Variants in RNF4 observed in about 807,000 individuals in gnomAD.
RNF4 encodes the protein E3 ubiquitin-protein ligase RNF4.
A neutral mutation model predicts 24.3 loss-of-function variants in RNF4; 7 were observed. That is an observed-to-expected ratio of 0.29 (90% CI 0.16 to 0.54). RNF4 has a LOEUF of 0.54. Among genes scored for constraint, RNF4 ranks in the 20% least tolerant of loss-of-function variants. RNF4 has a pLI of 0.95. For synonymous variants in RNF4, 83 were observed against 84.3 expected, an observed-to-expected ratio of 0.98 and a Z score of 0.09; for missense variants, 209 against 248.5, an observed-to-expected ratio of 0.84 and a Z score of 1.07.
chr4:2,490,663 A>G (rs990615671), intron 2 of RNF4, 161 bp downstream of exon 2: 3 of 662,728 alleles, frequency 4.5e-6, no homozygotes, highest in Middle Eastern at 2.8e-4. Context: ...ACATCAGCTT[A>G]CTTACCGACA....
intron 1 of RNF4, among the ~76,000 whole-genome samples, chr4:2,489,553 G>C (rs530146074): frequency 5.3e-5 from 8 of 152,198 alleles, no homozygotes; most frequent in Admixed American, 1.3e-4. Context: ...AGCCCTCTGT[G>C]GGGGAGCCTG....
chr4:2,502,614 G>T (rs1341749894), intron 4 of RNF4, among the ~76,000 whole-genome samples: 2 of 151,314 alleles, frequency 1.3e-5, no homozygotes, highest in Non-Finnish European at 2.9e-5. Context: ...AGAGGTTGCA[G>T]TGAGCCGAGA....
At chr4:2,509,286 C>G (rs1018049052) in intron 4 of RNF4, among the ~76,000 whole-genome samples, 1 of 151,982 alleles carries the variant, frequency 6.6e-6, no homozygotes, top group Non-Finnish European at 1.5e-5. Flanking sequence ...GGCGTGACCT[C>G]GGCTCACTGC....
chr4:2,486,228 G>C (rs1735404453), intron 1 of RNF4, among the ~76,000 whole-genome samples: 1 of 152,208 alleles, frequency 6.6e-6, no homozygotes, highest in Non-Finnish European at 1.5e-5. Flanking sequence ...GCAGTGCCTT[G>C]TGCAGATGCA....
At chr4:2,500,000 C>A (rs1315091059) in intron 3 of RNF4, among the ~76,000 whole-genome samples, 1 of 151,954 alleles carries the variant, frequency 6.6e-6, no homozygotes, top group Non-Finnish European at 1.5e-5. Context: ...ACTAAAAATA[C>A]AAACAAAATT....
intron 2 of RNF4, among the ~76,000 whole-genome samples, chr4:2,495,207 C>G (rs1284094451): frequency 2.0e-5 from 3 of 152,180 alleles, no homozygotes; most frequent in African/African-American, 7.2e-5. Flanking sequence ...GTTACTAGAC[C>G]CAGCTTCATT....
rs868692198 is a variant in RNF4 at position 2,490,638 on chromosome 4, A to T, written c.9+136A>T. On this transcript the variant is annotated intron_variant, in intron 2 of 7. Transcript: ENST00000314289. ...CACTTCTTGAAGGAGTATGTATAGG[A>T]GCTTTCTGGTGGTTACATCAGCTTA... 3 of 876,316 alleles carry T rather than the reference A, an allele frequency of 3.4e-6. 1 individual carries two copies. The African/African-American group carries it at 5.0e-5, about 15-fold the overall frequency. 54.3% of individuals were successfully genotyped at this position (876,316 alleles called of 1,614,324 possible). A position where few individuals can be genotyped will look rare whatever the true frequency, so the allele number is the denominator to read the frequency against.
chr4:2,514,395 ACT>A lies in RNF4; in HGVS notation c.*579_*580del, dbSNP rs148849831. ...CAGTGATTTCTGCAAATCAAGAGAA[ACT>A]CTGCAGGGCACTCCCCTGTTTCCTA... On this transcript the variant is annotated 3_prime_UTR_variant, in exon 8 of 8. Coordinates refer to ENST00000314289, the MANE Select transcript of RNF4 (RefSeq NM_002938.5). 6,997 of 156,522 alleles carry A rather than the reference ACT, an allele frequency of 0.045. 549 individuals are homozygous for A. Among genetic ancestry groups the A allele is most frequent in the African/African-American group, 0.16 (6,634 of 41,428 alleles). 9.7% of individuals were successfully genotyped at this position (156,522 alleles called of 1,614,324 possible). A position where few individuals can be genotyped will look rare whatever the true frequency, so the allele number is the denominator to read the frequency against.
In RNF4 at chr4:2,512,005, G is replaced by A. The variant is rs1441092729; in HGVS notation, c.214+40G>A. On this transcript the variant is annotated intron_variant, in intron 5 of 7. Transcript: ENST00000314289. This position sits in a 1 kb window ranked among gnomAD's most constrained non-coding sequence, Gnocchi z 4.1. Reference sequence around the variant, plus strand: ...TTCCTTTTTCACTGGGTTTGGAGAGGAAACTGGCATAGGTGAGAGCCGCGG... The same window carrying A: ...TTCCTTTTTCACTGGGTTTGGAGAGAAAACTGGCATAGGTGAGAGCCGCGG... The A allele has an allele frequency of 3.1e-6, 5 of 1,595,388 alleles. No homozygotes were observed. Among genetic ancestry groups the A allele is most frequent in the Non-Finnish European group, 4.3e-6 (5 of 1,169,344 alleles).
intron 4 of RNF4, among the ~76,000 whole-genome samples, chr4:2,508,521 T>C (rs1027057163): frequency 6.6e-6 from 1 of 152,226 alleles, no homozygotes; most frequent in African/African-American, 2.4e-5. Context: ...AATACTGTAT[T>C]GTCCACCAGC....
intron 1 of RNF4, among the ~76,000 whole-genome samples, chr4:2,484,067 T>TC (rs56727538): frequency 0.034 from 449 of 13,282 alleles, 184 homozygotes; most frequent in South Asian, 0.2. Flanking sequence ...CCTCAGGTGA[T>TC]CCCCCCCCGC....
At chr4:2,511,892 CG>C (rs1208365442) in intron 4 of RNF4, 63 bp from the exon 5 acceptor site, 1 of 1,522,498 alleles carries the variant, frequency 6.6e-7, no homozygotes, top group African/African-American at 1.4e-5. Flanking sequence ...GAAATGGCTT[CG>C]TTTATCACTT....
At chr4:2,486,754 G>A (rs570616613) in intron 1 of RNF4, among the ~76,000 whole-genome samples, 1 of 152,288 alleles carries the variant, frequency 6.6e-6, no homozygotes, top group Non-Finnish European at 1.5e-5. Flanking sequence ...AGAGGCTTAG[G>A]AACAGCCTGG....
Position 2,490,431 on chromosome 4 carries a change from C to T in RNF4, c.-63C>T. ...TGAAAGGTTGAGAACATTTGACTTC[C>T]CTGCAAACCTTGGTATAGATCACTT... On this transcript the variant is annotated 5_prime_UTR_variant, in exon 2 of 8. Coordinates refer to ENST00000314289, the MANE Select transcript of RNF4 (RefSeq NM_002938.5). The T allele has an allele frequency of 2.5e-6, 4 of 1,575,976 alleles. No individual in the cohort carries two copies. The highest frequency in any genetic ancestry group is 3.5e-6 in the Non-Finnish European group (4 of 1,152,554).
chr4:2,472,811 T>C (rs1350825103), intron 1 of RNF4, among the ~76,000 whole-genome samples: 3 of 149,380 alleles, frequency 2.0e-5, no homozygotes, highest in Non-Finnish European at 4.5e-5. Flanking sequence ...GGAGGCGAAG[T>C]GGGCGGATCA....
chr4:2,484,994 A>G (rs184491085), intron 1 of RNF4, among the ~76,000 whole-genome samples: 2 of 152,162 alleles, frequency 1.3e-5, no homozygotes, highest in South Asian at 2.1e-4. Flanking sequence ...CTTGTTAGGA[A>G]CCCTCGGCAC....
At chr4:2,507,101 G>C (rs1027404421) in intron 4 of RNF4, among the ~76,000 whole-genome samples, 1 of 152,034 alleles carries the variant, frequency 6.6e-6, no homozygotes, top group Non-Finnish European at 1.5e-5. Context: ...GTATGAATAA[G>C]TCACACTATG....
At position 2,513,863 on chromosome 4, in the gene RNF4, G is replaced by A. The variant is rs767833124; in HGVS notation, c.*44G>A. ...GGAGAGACGGATGGACAGACAGACA[G>A]CCAGGTTCTCCAGTGGTATCTGCCT... On this transcript the variant is annotated 3_prime_UTR_variant, in exon 8 of 8. Coordinates refer to ENST00000314289, the MANE Select transcript of RNF4 (RefSeq NM_002938.5). 4 of 1,611,512 alleles carry A rather than the reference G, an allele frequency of 2.5e-6. No homozygotes were observed. In the African/African-American group the frequency reaches 5.3e-5, roughly 22 times the overall value.
chr4:2,483,167 C>G (rs1735294125), intron 1 of RNF4, among the ~76,000 whole-genome samples: 1 of 152,190 alleles, frequency 6.6e-6, no homozygotes, highest in Admixed American at 6.5e-5. Flanking sequence ...TTTCCCATCC[C>G]ATTCCTAGCC....
Sources: allele counts gnomAD v4.1 joint callset (sites outside exome capture counted in the v4.1 genomes callset), GRCh38; gene constraint gnomAD v4.1.1; non-coding constraint Gnocchi (gnomAD v3.1); transcripts MANE v1.5; gene names NCBI Gene and HGNC (gene_info 2026-07-23, HGNC 2026-07-21).